IQSEC1: variants seen among roughly 807,000 people sequenced by gnomAD.
IQSEC1 encodes the protein IQ motif and SEC7 domain-containing protein 1.
Under a neutral mutation model 91.0 loss-of-function variants are expected in IQSEC1, and 31 were observed. The observed-to-expected ratio is 0.34, with a 90% CI of 0.26 to 0.46. The LOEUF is 0.46. IQSEC1 is among the 20% of genes least tolerant of loss of function. IQSEC1 has a pLI of 1.00. For synonymous variants in IQSEC1, 699 were observed against 662.6 expected, an observed-to-expected ratio of 1.05 and a Z score of -0.84; for missense variants, 1,388 against 1,575.6, an observed-to-expected ratio of 0.88 and a Z score of 2.02.
intron 1 of IQSEC1, among the ~76,000 whole-genome samples, chr3:13,041,948 C>A (rs1043169020): frequency 5.9e-5 from 9 of 152,166 alleles, no homozygotes; most frequent in Non-Finnish European, 1.3e-4. Flanking sequence ...GCAAGTGTAC[C>A]GGGAAAGAGC....
chr3:12,932,110 T>C (rs996337212), intron 3 of IQSEC1, among the ~76,000 whole-genome samples: 2 of 152,150 alleles, frequency 1.3e-5, no homozygotes, highest in African/African-American at 4.8e-5. Flanking sequence ...AGACAGAAAG[T>C]GGACATAGCC....
At chr3:13,270,879 C>T (rs1695580241) in intron 1 of IQSEC1, among the ~76,000 whole-genome samples, 1 of 152,176 alleles carries the variant, frequency 6.6e-6, no homozygotes, top group African/African-American at 2.4e-5. Context: ...AATACAACTA[C>T]ATTCTGTCTA....
intron 1 of IQSEC1, among the ~76,000 whole-genome samples, chr3:12,947,642 T>C (rs536761029): frequency 6.6e-6 from 1 of 152,172 alleles, no homozygotes; most frequent in Non-Finnish European, 1.5e-5. Context: ...GAGTTCTGTA[T>C]GTCCTGGATG....
intron 1 of IQSEC1, among the ~76,000 whole-genome samples, chr3:12,985,275 C>T (rs1207541413): frequency 5.3e-5 from 8 of 152,188 alleles, no homozygotes; most frequent in Non-Finnish European, 1.0e-4. Context: ...CTGCCATACA[C>T]GCTGGGCTCC....
intron 5 of IQSEC1, among the ~76,000 whole-genome samples, 166 bp downstream of exon 5, chr3:12,921,954 C>A (rs1696670682): frequency 6.6e-6 from 1 of 152,216 alleles, no homozygotes; most frequent in Admixed American, 6.5e-5. Flanking sequence ...GTCACAGTGC[C>A]TGGAACGTAG....
intron 2 of IQSEC1, 58 bp downstream of exon 2, chr3:12,941,513 T>G: frequency 7.0e-7 from 1 of 1,434,074 alleles, no homozygotes; most frequent in Non-Finnish European, 9.4e-7. Context: ...GGGGCACACA[T>G]GGTGGGCAGA....
At chr3:13,172,829 C>T (rs1475786930) in intron 1 of IQSEC1, among the ~76,000 whole-genome samples, 2 of 152,168 alleles carry the variant, frequency 1.3e-5, no homozygotes, top group East Asian at 3.9e-4. Context: ...CTCCCAGCCA[C>T]GTGCCTCTGG....
intron 1 of IQSEC1, among the ~76,000 whole-genome samples, chr3:13,254,571 C>T (rs560975295): frequency 3.0e-4 from 45 of 152,398 alleles, no homozygotes; most frequent in African/African-American, 1.1e-3. Flanking sequence ...GCACCGGCTG[C>T]AGGAAAACCA....
At chr3:13,123,958 G>A (rs1327126145) in intron 2 of IQSEC1, among the ~76,000 whole-genome samples, 3 of 152,344 alleles carry the variant, frequency 2.0e-5, no homozygotes, top group South Asian at 2.1e-4. Flanking sequence ...TTATTGGAAC[G>A]CAGCCACACC....
At chr3:12,966,553 C>T (rs1243330158) in intron 1 of IQSEC1, among the ~76,000 whole-genome samples, 1 of 152,006 alleles carries the variant, frequency 6.6e-6, no homozygotes, top group African/African-American at 2.4e-5. Flanking sequence ...CTCCCTTTCT[C>T]CCTTTCTCTC....
intron 1 of IQSEC1, chr3:13,022,117 G>A (rs1703429199): frequency 1.7e-5 from 21 of 1,231,842 alleles, no homozygotes; most frequent in Non-Finnish European, 2.1e-5. Context: ...CTCGGTGGAG[G>A]AGCGAGTGGC....
chr3:13,283,041 C>T (rs1247620938), exon 1 of IQSEC1, among the ~76,000 whole-genome samples: 2 of 145,038 alleles, frequency 1.4e-5, no homozygotes, highest in African/African-American at 2.5e-5. Context: ...GCGGCGGCGG[C>T]GCGGCCATGG....
chr3:13,219,565 C>A (rs573420383), intron 1 of IQSEC1, among the ~76,000 whole-genome samples: 34 of 152,380 alleles, frequency 2.2e-4, no homozygotes, highest in Non-Finnish European at 4.7e-4. Context: ...ACTTCACCAA[C>A]ACCCACCCGG....
At chr3:12,949,756 C>T (rs1348230791) in intron 1 of IQSEC1, among the ~76,000 whole-genome samples, 2 of 151,826 alleles carry the variant, frequency 1.3e-5, no homozygotes, top group African/African-American at 4.8e-5. Context: ...CACAGCCAGG[C>T]AGGGTCTGGG....
intron 1 of IQSEC1, among the ~76,000 whole-genome samples, chr3:13,180,244 A>G (rs1693815166): frequency 6.6e-6 from 1 of 151,972 alleles, no homozygotes; most frequent in East Asian, 1.9e-4. Context: ...ACCAATTGGC[A>G]CTCTGTATCT....
chr3:13,049,855 A>G (rs1704629227), intron 1 of IQSEC1, among the ~76,000 whole-genome samples: 1 of 152,326 alleles, frequency 6.6e-6, no homozygotes, highest in East Asian at 1.9e-4. Context: ...GCTGTGGTAC[A>G]TGGGTCCAAG....
At chr3:13,225,189 A>G (rs1028974118) in intron 1 of IQSEC1, among the ~76,000 whole-genome samples, 23 of 152,370 alleles carry the variant, frequency 1.5e-4, no homozygotes, top group Non-Finnish European at 2.9e-4. Context: ...TACAACCACC[A>G]GGAGTTGTAT....
rs149223685 is a variant in IQSEC1 at position 12,929,253 on chromosome 3, T to C, written c.1569-4511A>G. On this transcript the variant is annotated intron_variant, in intron 3 of 13. Transcript: ENST00000613206. ...ATGAGTTCGTACTCATAACGTACCA[T>C]GCCTCAGGCCTCAGAAACCATTTCA... Among the ~76,000 whole-genome samples, 331 of 152,308 alleles carry C rather than the reference T, an allele frequency of 2.2e-3. 3 individuals are homozygous for C. Among genetic ancestry groups the C allele is most frequent in the Admixed American group, 0.015 (231 of 15,304 alleles).
chr3:13,043,995 G>A (rs1333493356), intron 1 of IQSEC1, among the ~76,000 whole-genome samples: 4 of 152,222 alleles, frequency 2.6e-5, no homozygotes, highest in Non-Finnish European at 4.4e-5. Flanking sequence ...GTGACATCCA[G>A]GCGGTCGGAT....
Sources: gnomAD v4.1 joint callset for allele counts (sites outside exome capture counted in the v4.1 genomes callset) on GRCh38, gnomAD v4.1.1 for gene constraint, MANE v1.5 for transcripts, NCBI Gene and HGNC (gene_info 2026-07-23, HGNC 2026-07-21) for gene names.